SLC22A4: variants seen among roughly 807,000 people sequenced by gnomAD.
SLC22A4 encodes the protein solute carrier family 22 member 4.
A neutral mutation model predicts 56.6 loss-of-function variants in SLC22A4; 39 were observed. The ratio of observed to expected loss-of-function variants is 0.69; its 90% CI spans 0.53 to 0.90. The LOEUF is 0.90. SLC22A4 is among the 40% of genes least tolerant of loss of function. The probability of loss-of-function intolerance (pLI) is 0.00; values close to 1 mark genes in which losing one functional copy is unlikely to be tolerated. For missense variants in SLC22A4, 594 were observed against 696.5 expected (o/e 0.85, Z 1.66); for synonymous variants, 241 against 281.4 (o/e 0.86, Z 1.44).
At chr5:132,320,789 A>G (rs1490183077) in intron 3 of SLC22A4, 1 of 152,256 alleles carries the variant, frequency 6.6e-6, no homozygotes, top group East Asian at 1.9e-4. Context: ...CCTAGGGCAT[A>G]TAAACATGAC....
intron 5 of SLC22A4, among the ~76,000 whole-genome samples, chr5:132,330,448 G>A (rs1049610845): frequency 1.4e-4 from 21 of 152,204 alleles, no homozygotes; most frequent in African/African-American, 5.1e-4. Flanking sequence ...AGAATAGGCC[G>A]GGCGCAGTGG....
chr5:132,337,271 T>A (rs3991389), intron 8 of SLC22A4, among the ~76,000 whole-genome samples: 80,405 of 125,192 alleles, frequency 0.64, 24,482 homozygotes, highest in African/African-American at 0.72. Flanking sequence ...AAGATTACCT[T>A]TTTTTTTTTT....
At position 132,335,939 on chromosome 5, in the gene SLC22A4, G is replaced by A; in HGVS notation, c.1383G>A (p.Val461=). Residue 461 remains valine (V), a synonymous_variant, in exon 8 of 10, where the codon GTG becomes GTA. Transcript: ENST00000200652. ...CAACCCTGGTCAGGAACATGGCGGT[G>A]GGGGTCACATCCACGGCCTCCAGAG... is the stretch of plus-strand genomic sequence containing the variant. ...LYPTLVRNMA[V]GVTSTASRVG... is the part of the protein sequence containing the mutation. 4 of 1,614,176 alleles carry A rather than the reference G, an allele frequency of 2.5e-6. No individual in the cohort carries two copies. Among genetic ancestry groups the A allele is most frequent in the Non-Finnish European group, 3.4e-6 (4 of 1,180,002 alleles).
At chr5:132,343,384 C>A (rs537981118) in intron 9 of SLC22A4, among the ~76,000 whole-genome samples, 6 of 152,324 alleles carry the variant, frequency 3.9e-5, no homozygotes, top group Admixed American at 3.9e-4. Context: ...GGTAACTCTG[C>A]ATATGAATTA....
intron 5 of SLC22A4, among the ~76,000 whole-genome samples, chr5:132,329,685 A>ATG (rs1750801462): frequency 1.3e-5 from 2 of 151,936 alleles, no homozygotes; most frequent in Non-Finnish European, 2.9e-5. Context: ...CTTAGAAAGC[A>ATG]ATCTCAAGCA....
rs1255935558 is a variant in SLC22A4 at position 132,294,417 on chromosome 5, A to C, written c.-200A>C. 2 of 678,112 alleles carry C rather than the reference A, an allele frequency of 2.9e-6. No individual in the cohort carries two copies. The highest frequency in any genetic ancestry group is 2.5e-6 in the Non-Finnish European group (1 of 397,338). 42.0% of individuals were successfully genotyped at this position (678,112 alleles called of 1,614,324 possible). A position where few individuals can be genotyped will look rare whatever the true frequency, so the allele number is the denominator to read the frequency against. On this transcript the variant is annotated 5_prime_UTR_variant, in exon 1 of 10. Coordinates refer to ENST00000200652, the MANE Select transcript of SLC22A4 (RefSeq NM_003059.3). The surrounding 1 kb of genome is among the most constrained non-coding windows in gnomAD (Gnocchi z 5.6). ...CCAAGTGTACAGTGGCATCAAGCTC[A>C]GCGCGAGCTCCCGGGAACGCTCCAA...
rs895760328 is a variant in SLC22A4, at chr5:132,311,691, A to G, written c.394-470A>G. On this transcript the variant is annotated intron_variant, in intron 1 of 9. Transcript: ENST00000200652. ...TCACAGAGCTCCTGGAACCACTTGC[A>G]CTTTTCAACAAGGGAAAAGAAATTT... The G allele has an allele frequency of 3.6e-5, 7 of 193,638 alleles. No homozygotes were observed. The East Asian group carries it at 8.8e-4, about 24-fold the overall frequency. The allele number at this position is 193,638 out of a possible 1,614,324, so 12.0% of individuals were successfully genotyped here. A position where few individuals can be genotyped will look rare whatever the true frequency, so the allele number is the denominator to read the frequency against.
rs559116280 is a variant in SLC22A4, at chr5:132,295,173, C to G, written c.393+164C>G. ...GTGTGCACCCCAAGAAAGAATAGGACTCACGCGAGGCGCATTCCTGGGTCG... is the reference window on the plus strand; with the variant it reads ...GTGTGCACCCCAAGAAAGAATAGGAGTCACGCGAGGCGCATTCCTGGGTCG... On this transcript the variant is annotated intron_variant, in intron 1 of 9. Transcript: ENST00000200652. 1.7e-5 allele frequency: 14 copies of G among 836,988 alleles called. No homozygotes were observed. The South Asian group carries it at 2.0e-4, about 12-fold the overall frequency. The allele number at this position is 836,988 out of a possible 1,614,324, so 51.8% of individuals were successfully genotyped here. A position where few individuals can be genotyped will look rare whatever the true frequency, so the allele number is the denominator to read the frequency against.
At chr5:132,308,118 C>G (rs1263012549) in intron 1 of SLC22A4, among the ~76,000 whole-genome samples, 1 of 152,190 alleles carries the variant, frequency 6.6e-6, no homozygotes, top group Non-Finnish European at 1.5e-5. Flanking sequence ...AGAACTCTGT[C>G]CTTCTGCTGG....
intron 4 of SLC22A4, among the ~76,000 whole-genome samples, chr5:132,323,294 G>T (rs1191628951): frequency 6.6e-6 from 1 of 152,164 alleles, no homozygotes; most frequent in African/African-American, 2.4e-5. Flanking sequence ...TAGACCTCAT[G>T]GTTGCCCTGT....
intron 5 of SLC22A4, among the ~76,000 whole-genome samples, chr5:132,331,326 C>T (rs942649153): frequency 1.3e-5 from 2 of 151,158 alleles, no homozygotes; most frequent in Non-Finnish European, 3.0e-5. Flanking sequence ...CAGAGCTAGA[C>T]TCCATCTAAA....
chr5:132,315,852 T>C (rs1750336280), intron 3 of SLC22A4, among the ~76,000 whole-genome samples: 1 of 152,160 alleles, frequency 6.6e-6, no homozygotes. Flanking sequence ...TGTATCCTGG[T>C]ATGAGACTCG....
intron 9 of SLC22A4, 75 bp downstream of exon 9, chr5:132,340,775 T>C: frequency 1.4e-6 from 2 of 1,400,504 alleles, no homozygotes; most frequent in Non-Finnish European, 1.0e-6. Context: ...CTAGGAAGGT[T>C]CTGAAATAGA....
chr5:132,328,924 TATATATACACAC>T (rs1231810495), intron 5 of SLC22A4, among the ~76,000 whole-genome samples: 61 of 22,304 alleles, frequency 2.7e-3, no homozygotes, highest in African/African-American at 0.014. Flanking sequence ...TATATATATA[TATATATACACAC>T]ACACACTTTA....
intron 5 of SLC22A4, among the ~76,000 whole-genome samples, chr5:132,328,930 T>TATATATATATATATATAC (rs1475251337): frequency 4.6e-5 from 1 of 21,948 alleles, no homozygotes; most frequent in African/African-American, 3.3e-4. Context: ...TATATATATA[T>TATATATATATATATATAC]ACACACACAC....
At chr5:132,340,301 T>G (rs190980153) in intron 8 of SLC22A4, among the ~76,000 whole-genome samples, 20 of 152,212 alleles carry the variant, frequency 1.3e-4, no homozygotes, top group Admixed American at 2.6e-4. Flanking sequence ...AAGGAACATC[T>G]GTCACACATG....
At position 132,340,670 on chromosome 5, in the gene SLC22A4, A is replaced by T; in HGVS notation, c.1550A>T (p.Glu517Val). ...GAAAGTTTGGGAATGACTCTTCCAG[A>T]AACCTTAGAGCAGATGCAGAAAGTG... ...FPESLGMTLP[E>V]TLEQMQKVKW... is the part of the protein sequence containing the mutation. The change falls in exon 9 of 10, where the codon GAA becomes GTA. Residue 517 changes from glutamate (E) to valine (V), a missense_variant. Glu to Val is a moderately radical substitution (Grantham distance 121). Transcript: ENST00000200652. 1 of 1,614,190 alleles carries T rather than the reference A, an allele frequency of 6.2e-7. No homozygotes were observed. The highest frequency in any genetic ancestry group is 2.2e-5 in the East Asian group (1 of 44,884).
intron 4 of SLC22A4, among the ~76,000 whole-genome samples, chr5:132,322,569 T>C (rs570504677): frequency 6.6e-6 from 1 of 152,340 alleles, no homozygotes; most frequent in African/African-American, 2.4e-5. Flanking sequence ...ATTCTCAGGA[T>C]TCCAATCTCT....
intron 5 of SLC22A4, among the ~76,000 whole-genome samples, chr5:132,331,051 G>A (rs2126732747): frequency 6.6e-6 from 1 of 152,238 alleles, no homozygotes; most frequent in East Asian, 1.9e-4. Context: ...ACTACAACAA[G>A]AGAAGTGTAA....
Sources: gnomAD v4.1 joint callset for allele counts (sites outside exome capture counted in the v4.1 genomes callset) on GRCh38, gnomAD v4.1.1 for gene constraint, Gnocchi (gnomAD v3.1) non-coding constraint, MANE v1.5 for transcripts, NCBI Gene and HGNC (gene_info 2026-07-23, HGNC 2026-07-21) for gene names.